Variants in C2CD2 observed in about 807,000 individuals in gnomAD.
C2CD2 encodes the protein C2 calcium dependent domain containing 2.
A neutral mutation model predicts 74.3 loss-of-function variants in C2CD2; 43 were observed. The observed-to-expected ratio is 0.58, with a 90% CI of 0.45 to 0.75. The LOEUF is 0.75. Among genes scored for constraint, C2CD2 ranks in the 30% least tolerant of loss-of-function variants. The probability of loss-of-function intolerance (pLI) is 0.00; values close to 1 mark genes in which losing one functional copy is unlikely to be tolerated. For missense variants in C2CD2, 801 were observed against 916.3 expected (o/e 0.87, Z 1.63); for synonymous variants, 422 against 390.7 (o/e 1.08, Z -0.94).
At position 41,945,983 on chromosome 21, in the gene C2CD2, A is replaced by G. The variant is rs1237479080; in HGVS notation, c.280-3738T>C. ...TAGTGATAGTATGGGATTATAACCC[A>G]CAGAATAAAATCCATATCCATGAGT... On this transcript the variant is annotated intron_variant, in intron 1 of 13. Transcript: ENST00000380486. This position sits in a 1 kb window ranked among gnomAD's most constrained non-coding sequence, Gnocchi z 4.2. 6.6e-6 allele frequency among the ~76,000 whole-genome samples: 1 copy of G among 152,250 alleles called. No individual in the cohort carries two copies. Among genetic ancestry groups the G allele is most frequent in the African/African-American group, 2.4e-5 (1 of 41,460 alleles).
rs956197681 is a variant in C2CD2 at position 41,922,029 on chromosome 21, A to G, written c.435T>C (p.Pro145=). Residue 145 remains proline (P), a synonymous_variant, in exon 3 of 14, where the codon CCT becomes CCC. Coordinates refer to ENST00000380486, the MANE Select transcript of C2CD2 (RefSeq NM_015500.2). ...ACAGCCGGCATCCAGCACCCAAGGC[A>G]GGCGTCTCGCTGACCAAGAACTGAA... The part of the protein sequence containing the change: ...QAIQFLVSET[P]ALGAGCRLYD... 6.8e-6 allele frequency: 11 copies of G among 1,614,192 alleles called. No individual in the cohort carries two copies. Among genetic ancestry groups the G allele is most frequent in the Non-Finnish European group, 6.8e-6 (8 of 1,180,002 alleles).
chr21:41,930,208 G>T lies in C2CD2; in HGVS notation c.379-8123C>A, dbSNP rs140593162. Reference sequence around the variant, plus strand: ...CTCTCCAGGCAACCTCCTGGTGGGTGAGGGTTTCATTCTGGAGCACCTGAG... The same window carrying T: ...CTCTCCAGGCAACCTCCTGGTGGGTTAGGGTTTCATTCTGGAGCACCTGAG... On this transcript the variant is annotated intron_variant, in intron 2 of 13. Transcript: ENST00000380486. Among the ~76,000 whole-genome samples the T allele has an allele frequency of 1.5e-3, 230 of 150,078 alleles. 5 individuals are homozygous for T. The highest frequency in any genetic ancestry group is 5.4e-3 in the African/African-American group (225 of 41,376).
chr21:41,919,013 T>C, intron 3 of C2CD2, 53 bp from the exon 4 acceptor site: 12 of 1,261,930 alleles, frequency 9.5e-6, no homozygotes, highest in Non-Finnish European at 1.4e-5. Context: ...AGCCTTAATG[T>C]GCACGTGCGT....
intron 1 of C2CD2, among the ~76,000 whole-genome samples, chr21:41,951,226 G>A (rs1448214945): frequency 6.6e-6 from 1 of 152,166 alleles, no homozygotes; most frequent in Non-Finnish European, 1.5e-5. Context: ...CGGCAGCGAC[G>A]GCTCAGGATG....
chr21:41,946,588 C>A (rs1157215958), intron 1 of C2CD2, among the ~76,000 whole-genome samples: 1 of 152,202 alleles, frequency 6.6e-6, no homozygotes, highest in African/African-American at 2.4e-5. Context: ...ACTTCCTGGA[C>A]AGCAGAACCA....
chr21:41,931,824 C>A (rs1422109950), intron 2 of C2CD2, among the ~76,000 whole-genome samples: 2 of 149,450 alleles, frequency 1.3e-5, no homozygotes, highest in Non-Finnish European at 3.0e-5. Context: ...CCTCCAGCAT[C>A]CCACTACCCC....
In C2CD2 at chr21:41,928,566, A is replaced by T. The variant is rs541431930; in HGVS notation, c.379-6481T>A. Among the ~76,000 whole-genome samples the T allele has an allele frequency of 7.8e-4, 118 of 150,572 alleles. 1 individual carries two copies. The highest frequency in any genetic ancestry group is 2.6e-3 in the African/African-American group (106 of 40,818). On this transcript the variant is annotated intron_variant, in intron 2 of 13. Transcript: ENST00000380486. ...AAGCAAAAAAAAAAAAAAAAAAAAA[A>T]AAGACAACTGAGCCGAGCTTCCTGT...
intron 1 of C2CD2, among the ~76,000 whole-genome samples, chr21:41,952,230 T>C (rs1304584191): frequency 2.0e-5 from 3 of 152,238 alleles, no homozygotes; most frequent in Non-Finnish European, 4.4e-5. Context: ...TTATGTTCTT[T>C]TTCAAGAGTT....
Position 41,953,410 on chromosome 21 carries a change from G to A in C2CD2, c.239C>T (p.Ala80Val), listed in dbSNP as rs1422014532. The change falls in exon 1 of 14, where the codon GCC becomes GTC. Residue 80 changes from alanine to valine, a missense_variant. Ala to Val is a moderately conservative substitution (Grantham distance 64, BLOSUM62 0). Coordinates refer to ENST00000380486, the MANE Select transcript of C2CD2 (RefSeq NM_015500.2). ...LGSWRSQWQA[A>V]WVTALNEEAE... ...CTCCTCGTTCAGGGCGGTCACCCAG[G>A]CCGCCTGCCACTGGCTCCTCCAGCT... 2.8e-6 allele frequency: 4 copies of A among 1,416,328 alleles called. No individual in the cohort carries two copies. Among genetic ancestry groups the A allele is most frequent in the East Asian group, 2.9e-5 (1 of 34,158 alleles). The allele number at this position is 1,416,328 out of a possible 1,614,324, so 87.7% of individuals were successfully genotyped here. A position where few individuals can be genotyped will look rare whatever the true frequency, so the allele number is the denominator to read the frequency against.
At chr21:41,952,112 C>T (rs1214842284) in intron 1 of C2CD2, among the ~76,000 whole-genome samples, 1 of 152,220 alleles carries the variant, frequency 6.6e-6, no homozygotes, top group African/African-American at 2.4e-5. Context: ...CAGCTGGTTT[C>T]CCTGAGACAC....
chr21:41,909,542 T>G lies in C2CD2; in HGVS notation c.954-19A>C, dbSNP rs1477925698. Reference sequence around the variant, plus strand: ...CAACTCGCTTTGGAAGAGAAACAAGTTATGAGTCCTAAAAAATGCAATGCT... The same window carrying G: ...CAACTCGCTTTGGAAGAGAAACAAGGTATGAGTCCTAAAAAATGCAATGCT... On this transcript the variant is annotated intron_variant, in intron 7 of 13. Coordinates refer to ENST00000380486, the MANE Select transcript of C2CD2 (RefSeq NM_015500.2). 6.4e-7 allele frequency: 1 copy of G among 1,557,244 alleles called. No individual in the cohort carries two copies. Among genetic ancestry groups the G allele is most frequent in the South Asian group, 1.1e-5 (1 of 89,882 alleles).
intron 10 of C2CD2, 126 bp from the exon 11 acceptor site, chr21:41,905,963 C>G: frequency 1.4e-6 from 1 of 696,216 alleles, no homozygotes; most frequent in African/African-American, 1.8e-5. Context: ...CAAAGCTTAA[C>G]GAAAGCTGTT....
chr21:41,891,524 C>T (rs984714977), intron 13 of C2CD2, among the ~76,000 whole-genome samples: 3 of 152,184 alleles, frequency 2.0e-5, no homozygotes, highest in African/African-American at 7.2e-5. Flanking sequence ...GGCTCCCAGG[C>T]AGAGGAACCC....
intron 8 of C2CD2, chr21:41,908,607 G>A (rs2064992977): frequency 6.6e-6 from 1 of 152,130 alleles, no homozygotes; most frequent in Non-Finnish European, 1.5e-5. Context: ...CAAAATCAAG[G>A]AAGTCGCCTC....
At chr21:41,890,941 C>T (rs2064745580) in intron 13 of C2CD2, among the ~76,000 whole-genome samples, 1 of 152,166 alleles carries the variant, frequency 6.6e-6, no homozygotes, top group Non-Finnish European at 1.5e-5. Context: ...AGGACAGAAA[C>T]TGAGAAGATG....
At chr21:41,942,753 T>C (rs1231835503) in intron 1 of C2CD2, among the ~76,000 whole-genome samples, 2 of 152,090 alleles carry the variant, frequency 1.3e-5, no homozygotes, top group Non-Finnish European at 1.5e-5. Context: ...TTACTTAGGG[T>C]GCCCCCCATT....
intron 7 of C2CD2, among the ~76,000 whole-genome samples, chr21:41,911,905 T>C (rs2065030079): frequency 6.6e-6 from 1 of 152,214 alleles, no homozygotes. Context: ...TCTCGCTATG[T>C]TGCTCAGGCT....
chr21:41,892,067 A>C lies in C2CD2; in HGVS notation c.1871-2723T>G, dbSNP rs1430938152. ...CCTTATTTGGAGATGGGGTCCTTGC[A>C]GAAGTCATCAACTTAAAATTAGATC... On this transcript the variant is annotated intron_variant, in intron 13 of 13. Coordinates refer to ENST00000380486, the MANE Select transcript of C2CD2 (RefSeq NM_015500.2). This position sits in a 1 kb window ranked among gnomAD's most constrained non-coding sequence, Gnocchi z 4.6. Among the ~76,000 whole-genome samples the C allele has an allele frequency of 6.6e-6, 1 of 151,454 alleles. No homozygotes were observed. Among genetic ancestry groups the C allele is most frequent in the East Asian group, 2.0e-4 (1 of 5,118 alleles).
At chr21:41,925,675 G>A (rs190505656) in intron 2 of C2CD2, among the ~76,000 whole-genome samples, 8 of 152,346 alleles carry the variant, frequency 5.3e-5, no homozygotes, top group Admixed American at 2.0e-4. Context: ...GTATTAAGGT[G>A]TTATCCACAA....
Sources: gnomAD v4.1 joint callset for allele counts (sites outside exome capture counted in the v4.1 genomes callset) on GRCh38, gnomAD v4.1.1 for gene constraint, Gnocchi (gnomAD v3.1) non-coding constraint, MANE v1.5 for transcripts, NCBI Gene and HGNC (gene_info 2026-07-23, HGNC 2026-07-21) for gene names.